Variants in KIAA1217 observed in about 807,000 individuals in gnomAD.
The protein encoded by KIAA1217 is sickle tail protein homolog.
Under a neutral mutation model 163.9 loss-of-function variants are expected in KIAA1217, and 88 were observed. That is an observed-to-expected ratio of 0.54 (90% CI 0.45 to 0.64). The LOEUF is 0.64. Among genes scored for constraint, KIAA1217 ranks in the 30% least tolerant of loss-of-function variants. KIAA1217 has a pLI of 0.00. For synonymous variants in KIAA1217, 903 were observed against 923.1 expected, an observed-to-expected ratio of 0.98 and a Z score of 0.39; for missense variants, 2,372 against 2,475.0, an observed-to-expected ratio of 0.96 and a Z score of 0.88.
At position 24,080,965 on chromosome 10, in the gene KIAA1217, C is replaced by T. The variant is rs528749698; in HGVS notation, c.-171+73591C>T. On this transcript the variant is annotated intron_variant, in intron 2 of 18. Transcript: ENST00000376462. ...TAGGGAAATGAATGATAGGAGTTAA[C>T]GTGTCACACAAACCTATTCTGAAGC... 6.3e-4 allele frequency among the ~76,000 whole-genome samples: 96 copies of T among 152,258 alleles called. No individual in the cohort carries two copies. The South Asian group carries it at 8.1e-3, about 13-fold the overall frequency.
At chr10:24,122,093 A>T (rs1054107216) in intron 2 of KIAA1217, among the ~76,000 whole-genome samples, 1 of 152,142 alleles carries the variant, frequency 6.6e-6, no homozygotes, top group African/African-American at 2.4e-5. Context: ...TTAAGCTTCT[A>T]TTGATCCCAT....
At position 24,159,535 on chromosome 10, in the gene KIAA1217, T is replaced by A. The variant is rs112867088; in HGVS notation, c.-170-60091T>A. ...TGACTCATGCCTGTAATCCCAGCAC[T>A]TTGGGAGGCCGAGGCGGGCGGATCA... On this transcript the variant is annotated intron_variant, in intron 2 of 18. Transcript: ENST00000376462. 9.5e-3 allele frequency among the ~76,000 whole-genome samples: 1,449 copies of A among 152,174 alleles called. 9 individuals carry two copies. Among genetic ancestry groups the A allele is most frequent in the South Asian group, 0.02 (95 of 4,816 alleles).
At chr10:24,535,739 T>G (rs1453642509) in intron 16 of KIAA1217, among the ~76,000 whole-genome samples, 3 of 152,122 alleles carry the variant, frequency 2.0e-5, no homozygotes, top group Non-Finnish European at 2.9e-5. Flanking sequence ...ATCTCACCAC[T>G]GCACTCCAGC....
chr10:23,716,040 G>A (rs1019428548), intron 1 of KIAA1217, among the ~76,000 whole-genome samples: 2 of 152,132 alleles, frequency 1.3e-5, no homozygotes, highest in South Asian at 2.1e-4. Flanking sequence ...GTCTTGAAAG[G>A]CAATATTATT....
chr10:23,861,339 A>T (rs1839940857), intron 1 of KIAA1217, among the ~76,000 whole-genome samples: 1 of 152,228 alleles, frequency 6.6e-6, no homozygotes, highest in African/African-American at 2.4e-5. Context: ...TGAAACACAC[A>T]GACACAGTGA....
In KIAA1217 at chr10:24,014,971, A is replaced by G. The variant is rs75528885; in HGVS notation, c.-171+7597A>G. ...CGATCAAAAATATAATTCTAAAATAATATTATTCAAAAATATAATAATATT... is the reference window on the plus strand; with the variant it reads ...CGATCAAAAATATAATTCTAAAATAGTATTATTCAAAAATATAATAATATT... On this transcript the variant is annotated intron_variant, in intron 2 of 18. Transcript: ENST00000376462. 4.5e-3 allele frequency among the ~76,000 whole-genome samples: 681 copies of G among 152,176 alleles called. 6 individuals carry two copies. Among genetic ancestry groups the G allele is most frequent in the African/African-American group, 0.015 (634 of 41,558 alleles).
intron 5 of KIAA1217, among the ~76,000 whole-genome samples, chr10:24,454,615 G>A (rs970152427): frequency 6.6e-6 from 1 of 152,158 alleles, no homozygotes. Context: ...CACCTCTAAA[G>A]CATAGGACTG....
chr10:24,439,903 G>A (rs2060348881), intron 5 of KIAA1217, among the ~76,000 whole-genome samples: 1 of 152,196 alleles, frequency 6.6e-6, no homozygotes, highest in Non-Finnish European at 1.5e-5. Context: ...GTAACCTGAT[G>A]TAGTCACAGG....
intron 2 of KIAA1217, among the ~76,000 whole-genome samples, chr10:24,268,977 C>T (rs2076507990): frequency 7.0e-6 from 1 of 143,386 alleles, no homozygotes; most frequent in South Asian, 2.3e-4. Flanking sequence ...CCAAACACCG[C>T]ATATTCTCAC....
chr10:24,262,904 C>T lies in KIAA1217; in HGVS notation c.354+42995C>T, dbSNP rs569723961. 4.6e-5 allele frequency among the ~76,000 whole-genome samples: 7 copies of T among 150,664 alleles called. No individual in the cohort carries two copies. The East Asian group carries it at 9.8e-4, about 21-fold the overall frequency. On this transcript the variant is annotated intron_variant, in intron 2 of 20. Coordinates refer to ENST00000376454, the MANE Select transcript of KIAA1217 (RefSeq NM_019590.5). ...GGTGGAGGCTGCAGTGAGCCAGTAT[C>T]GCACCACTGCACTCCAGTCTGGGTA...
At chr10:23,810,941 G>GTATATAA (rs1837001656) in intron 1 of KIAA1217, among the ~76,000 whole-genome samples, 1 of 109,080 alleles carries the variant, frequency 9.2e-6, no homozygotes, top group South Asian at 2.5e-4. Context: ...ATATACTATA[G>GTATATAA]TATATATTAT....
intron 4 of KIAA1217, among the ~76,000 whole-genome samples, chr10:24,436,201 T>C (rs2060007117): frequency 1.3e-5 from 2 of 152,096 alleles, no homozygotes; most frequent in South Asian, 4.1e-4. Context: ...TCATTTAAAA[T>C]ATTTAAGTGG....
chr10:23,944,756 A>G (rs1843935879), intron 1 of KIAA1217, among the ~76,000 whole-genome samples: 1 of 152,182 alleles, frequency 6.6e-6, no homozygotes, highest in African/African-American at 2.4e-5. Flanking sequence ...AAAGTTTGGC[A>G]GTTTCTTATA....
chr10:23,789,175 G>A lies in KIAA1217; in HGVS notation c.-321+93941G>A, dbSNP rs1047851443. On this transcript the variant is annotated intron_variant, in intron 1 of 18. Coordinates refer to the KIAA1217 transcript ENST00000376462. Reference sequence around the variant, plus strand: ...TCTATTTTATTAAGGTTTTTTTGTAGTTTTATTGCAATAGACATAGCTAAG... The same window carrying A: ...TCTATTTTATTAAGGTTTTTTTGTAATTTTATTGCAATAGACATAGCTAAG... 1.6e-4 allele frequency among the ~76,000 whole-genome samples: 25 copies of A among 152,236 alleles called. 1 individual carries two copies. The highest frequency in any genetic ancestry group is 5.5e-4 in the African/African-American group (23 of 41,564).
intron 1 of KIAA1217, among the ~76,000 whole-genome samples, chr10:23,921,783 C>G (rs971092452): frequency 6.6e-6 from 1 of 152,244 alleles, no homozygotes. Context: ...GTTAACCACT[C>G]CTAGCATTAT....
intron 1 of KIAA1217, among the ~76,000 whole-genome samples, chr10:23,979,730 T>C (rs562779476): frequency 6.6e-6 from 1 of 152,256 alleles, no homozygotes; most frequent in Non-Finnish European, 1.5e-5. Context: ...TACCGTAGTG[T>C]GGAAGCCAAA....
chr10:23,871,018 C>CT (rs796387503), intron 1 of KIAA1217, among the ~76,000 whole-genome samples: 2,280 of 144,408 alleles, frequency 0.016, 53 homozygotes, highest in African/African-American at 0.054. Flanking sequence ...TTTTTCTTTT[C>CT]TTTTTTTTTT....
intron 3 of KIAA1217, among the ~76,000 whole-genome samples, chr10:24,387,005 T>A (rs547300974): frequency 6.6e-6 from 1 of 152,360 alleles, no homozygotes; most frequent in South Asian, 2.1e-4. Flanking sequence ...AAAACAAAAA[T>A]TCGCAGAAGG....
chr10:23,758,626 TTC>T (rs573288653), intron 1 of KIAA1217, among the ~76,000 whole-genome samples: 205 of 116,914 alleles, frequency 1.8e-3, no homozygotes, highest in Non-Finnish European at 2.8e-3. Context: ...CTTTCTTACT[TTC>T]TCTCTCTCTC....
Sources: gnomAD v4.1 joint callset for allele counts (sites outside exome capture counted in the v4.1 genomes callset) on GRCh38, gnomAD v4.1.1 for gene constraint, MANE v1.5 for transcripts, NCBI Gene and HGNC (gene_info 2026-07-23, HGNC 2026-07-21) for gene names.